The following GALNT2 variants were observed in gnomAD, a reference collection of about 807,000 sequenced individuals.
GALNT2 encodes the protein polypeptide N-acetylgalactosaminyltransferase 2.
GALNT2 carries 31 observed loss-of-function variants against 81.4 expected under a neutral mutation model. The observed-to-expected ratio is 0.38, with a 90% CI of 0.29 to 0.51. GALNT2 has a LOEUF of 0.51. Ranked by LOEUF, GALNT2 falls within the 20% of genes least tolerant of loss-of-function variation. GALNT2 has a pLI of 0.87. For missense variants in GALNT2, 629 were observed against 765.7 expected, an observed-to-expected ratio of 0.82 and a Z score of 2.11; for synonymous variants, 303 against 287.4, an observed-to-expected ratio of 1.05 and a Z score of -0.55.
intron 1 of GALNT2, among the ~76,000 whole-genome samples, chr1:230,107,425 C>T (rs1476187822): frequency 6.6e-6 from 1 of 152,054 alleles, no homozygotes; most frequent in East Asian, 1.9e-4. Flanking sequence ...CAGAACAAAC[C>T]AACAATTAGC....
chr1:230,113,656 T>G (rs1660764667), intron 1 of GALNT2, among the ~76,000 whole-genome samples: 2 of 152,076 alleles, frequency 1.3e-5, no homozygotes, highest in Non-Finnish European at 2.9e-5. Flanking sequence ...TTGGGGCTGA[T>G]GTTGCCTGTT....
At chr1:230,168,270 A>G (rs1662677999) in intron 1 of GALNT2, among the ~76,000 whole-genome samples, 1 of 152,260 alleles carries the variant, frequency 6.6e-6, no homozygotes, top group African/African-American at 2.4e-5. Flanking sequence ...AGTTATCACC[A>G]GGAGCTAAGA....
chr1:230,135,396 C>T (rs1661504736), intron 1 of GALNT2, among the ~76,000 whole-genome samples: 1 of 148,682 alleles, frequency 6.7e-6, no homozygotes, highest in East Asian at 1.9e-4. Flanking sequence ...AAACCATTTT[C>T]CAGCTTTCTT....
chr1:230,250,342 C>G (rs1471364627), intron 9 of GALNT2, 115 bp from the exon 10 acceptor site: 6 of 750,906 alleles, frequency 8.0e-6, no homozygotes, highest in Non-Finnish European at 1.4e-5. Flanking sequence ...TGTGGCTGTT[C>G]TGAAGATCAG....
At chr1:230,187,716 T>C (rs918833503) in intron 2 of GALNT2, among the ~76,000 whole-genome samples, 1 of 152,302 alleles carries the variant, frequency 6.6e-6, no homozygotes, top group Non-Finnish European at 1.5e-5. Flanking sequence ...GAGGACTTTA[T>C]TGAGCACTGG....
At chr1:230,150,786 G>T (rs1662072390) in intron 1 of GALNT2, among the ~76,000 whole-genome samples, 1 of 152,192 alleles carries the variant, frequency 6.6e-6, no homozygotes, top group African/African-American at 2.4e-5. Context: ...TCCCACCCAG[G>T]GATTTGGCGT....
rs377709413 is a variant in GALNT2 at position 230,253,963 on chromosome 1, T to C, written c.1010-1255T>C. Among the ~76,000 whole-genome samples the C allele has an allele frequency of 6.6e-5, 10 of 152,102 alleles. No homozygotes were observed. In the East Asian group the frequency reaches 1.9e-3, roughly 29 times the overall value. Reference sequence around the variant, plus strand: ...TTCACTTAATTTCCTGGGAATACTATCCAGCCAGAAAAAAAAAATGAAGTC... The same window carrying C: ...TTCACTTAATTTCCTGGGAATACTACCCAGCCAGAAAAAAAAAATGAAGTC... On this transcript the variant is annotated intron_variant, in intron 10 of 15. Transcript: ENST00000366672.
chr1:230,196,919 C>A (rs986045800), intron 2 of GALNT2, among the ~76,000 whole-genome samples: 11 of 152,096 alleles, frequency 7.2e-5, no homozygotes, highest in African/African-American at 2.7e-4. Context: ...GACCCAGTAC[C>A]GCCAAGGAAT....
chr1:230,174,352 C>G (rs1662889767), intron 1 of GALNT2, among the ~76,000 whole-genome samples: 3 of 152,230 alleles, frequency 2.0e-5, no homozygotes, highest in Non-Finnish European at 2.9e-5. Flanking sequence ...TGGTCTCCCT[C>G]CTGCTCACCA....
rs1393177357 is a variant in GALNT2 at position 230,257,340 on chromosome 1, T to C, written c.1136+1996T>C. ...GAAGCAAGGGTCCTGTGAGCACTGT[T>C]GCAGTAGCCCAGGCCAGAGATGTGA... On this transcript the variant is annotated intron_variant, in intron 11 of 15. Transcript: ENST00000366672. The surrounding 1 kb of genome is among the most constrained non-coding windows in gnomAD (Gnocchi z 4.6). 6.6e-6 allele frequency among the ~76,000 whole-genome samples: 1 copy of C among 152,230 alleles called. No individual in the cohort carries two copies. Among genetic ancestry groups the C allele is most frequent in the Non-Finnish European group, 1.5e-5 (1 of 68,038 alleles).
intron 10 of GALNT2, 115 bp from the exon 11 acceptor site, chr1:230,255,103 A>G (rs1175057465): frequency 6.2e-6 from 9 of 1,457,390 alleles, no homozygotes; most frequent in South Asian, 2.4e-5. Context: ...AGCAGAGGGC[A>G]TGGGAGCCCC....
Position 230,185,301 on chromosome 1 carries a change from T to TGCGCGC in GALNT2, c.220+6992_220+6997dup, listed in dbSNP as rs58067663. Reference sequence around the variant, plus strand: ...GTGTGTGTGTGTGTGTGTGTGTGTGTGCGCGCGTGTGTGTGTGTGTTTAAC... The same window carrying TGCGCGC: ...GTGTGTGTGTGTGTGTGTGTGTGTGTGCGCGCGCGCGCGTGTGTGTGTGTGTTTAAC... On this transcript the variant is annotated intron_variant, in intron 2 of 15. Transcript: ENST00000366672. Among the ~76,000 whole-genome samples, 547 of 126,110 alleles carry TGCGCGC rather than the reference T, an allele frequency of 4.3e-3. 4 individuals are homozygous for TGCGCGC. The highest frequency in any genetic ancestry group is 0.013 in the African/African-American group (460 of 36,550). 82.7% of individuals were successfully genotyped at this position (126,110 alleles called of 152,430 possible).
intron 1 of GALNT2, among the ~76,000 whole-genome samples, chr1:230,080,167 G>A (rs1193641174): frequency 1.3e-5 from 2 of 152,190 alleles, no homozygotes; most frequent in Non-Finnish European, 2.9e-5. Context: ...GGCCCTGGAA[G>A]GATATTTTTG....
chr1:230,228,071 T>C (rs1448941171), intron 3 of GALNT2, among the ~76,000 whole-genome samples: 1 of 152,050 alleles, frequency 6.6e-6, no homozygotes, highest in Admixed American at 6.6e-5. Flanking sequence ...TTCAAAAATG[T>C]AATAGGAAAA....
intron 3 of GALNT2, among the ~76,000 whole-genome samples, chr1:230,211,224 C>T (rs1459209142): frequency 3.3e-5 from 5 of 151,460 alleles, no homozygotes; most frequent in Non-Finnish European, 7.4e-5. Flanking sequence ...ACCCACTCCT[C>T]CCGCATCAAT....
chr1:230,193,625 A>C lies in GALNT2; in HGVS notation c.221-9512A>C, dbSNP rs1336774443. 1.3e-5 allele frequency among the ~76,000 whole-genome samples: 2 copies of C among 152,168 alleles called. No homozygotes were observed. The highest frequency in any genetic ancestry group is 2.9e-5 in the Non-Finnish European group (2 of 68,024). ...AATATAAGGTTTAGTAAAAACAAAA[A>C]TTTTAAGAAAGAAGTGGCATTGTTT... On this transcript the variant is annotated intron_variant, in intron 2 of 15. Coordinates refer to ENST00000366672, the MANE Select transcript of GALNT2 (RefSeq NM_004481.5). This position sits in a 1 kb window ranked among gnomAD's most constrained non-coding sequence, Gnocchi z 4.3.
At chr1:230,238,521 C>G (rs1665099743) in intron 6 of GALNT2, among the ~76,000 whole-genome samples, 1 of 152,146 alleles carries the variant, frequency 6.6e-6, no homozygotes. Flanking sequence ...TCTAAAGAGG[C>G]TAGGTGGCTT....
chr1:230,227,497 G>A (rs1011821435), intron 3 of GALNT2, among the ~76,000 whole-genome samples: 62 of 147,758 alleles, frequency 4.2e-4, no homozygotes, highest in African/African-American at 1.5e-3. Context: ...AGCTATATAT[G>A]CTATATAATA....
rs1663304282 is a variant in GALNT2 at position 230,185,456 on chromosome 1, A to G, written c.220+7145A>G. On this transcript the variant is annotated intron_variant, in intron 2 of 15. Coordinates refer to ENST00000366672, the MANE Select transcript of GALNT2 (RefSeq NM_004481.5). ...GGGAGGGGAAGCTTGCTATAGTCCT[A>G]TGATTTGGTCTCATTCTTTTAGGGA... is the stretch of plus-strand genomic sequence containing the variant. Among the ~76,000 whole-genome samples, 3 of 152,074 alleles carry G rather than the reference A, an allele frequency of 2.0e-5. No homozygotes were observed. The South Asian group carries it at 6.2e-4, about 31-fold the overall frequency.
Sources: allele counts gnomAD v4.1 joint callset (sites outside exome capture counted in the v4.1 genomes callset), GRCh38; gene constraint gnomAD v4.1.1; non-coding constraint Gnocchi (gnomAD v3.1); transcripts MANE v1.5; gene names NCBI Gene and HGNC (gene_info 2026-07-23, HGNC 2026-07-21).